Variants in KLHL1 observed in about 807,000 individuals in gnomAD.
KLHL1 encodes the protein kelch-like protein 1.
KLHL1 carries 47 observed loss-of-function variants against 77.7 expected under a neutral mutation model. The observed-to-expected ratio is 0.60, with a 90% confidence interval of 0.48 to 0.77. The LOEUF (loss-of-function observed/expected upper bound fraction) is 0.77, where lower values mean the gene tolerates loss of function less well. Ranked by LOEUF, KLHL1 falls within the 30% of genes least tolerant of loss-of-function variation. The pLI is 0.00. For missense variants in KLHL1, 925 were observed against 910.8 expected, an observed-to-expected ratio of 1.02 and a Z score of -0.20; for synonymous variants, 360 against 325.2, an observed-to-expected ratio of 1.11 and a Z score of -1.15.
At chr13:69,986,143 G>A (rs1884864178) in intron 1 of KLHL1, among the ~76,000 whole-genome samples, 1 of 151,788 alleles carries the variant, frequency 6.6e-6, no homozygotes, top group Non-Finnish European at 1.5e-5. Flanking sequence ...TGTCATGTAA[G>A]TAAAGAGTAG....
chr13:69,707,920 C>CA, intron 9 of KLHL1, 124 bp from the exon 10 acceptor site: 3 of 674,272 alleles, frequency 4.4e-6, no homozygotes, highest in Non-Finnish European at 7.2e-6. Context: ...TCTAAAGGCT[C>CA]AATCATTTGA....
At chr13:70,081,405 A>G (rs1887387401) in intron 1 of KLHL1, among the ~76,000 whole-genome samples, 2 of 152,154 alleles carry the variant, frequency 1.3e-5, no homozygotes, top group African/African-American at 2.4e-5. Flanking sequence ...CTGCTTTTTC[A>G]TCTATAGGCT....
At chr13:70,023,803 T>A (rs1885863275) in intron 1 of KLHL1, among the ~76,000 whole-genome samples, 1 of 151,886 alleles carries the variant, frequency 6.6e-6, no homozygotes, top group Non-Finnish European at 1.5e-5. Context: ...AGTAAATGGT[T>A]CTTCAGATTT....
At chr13:69,827,891 T>A (rs1878612785) in intron 6 of KLHL1, among the ~76,000 whole-genome samples, 1 of 135,902 alleles carries the variant, frequency 7.4e-6, no homozygotes. Context: ...AGTTTCTTAA[T>A]CTCTTCAAAT....
At chr13:69,993,056 A>G (rs1885065222) in intron 1 of KLHL1, among the ~76,000 whole-genome samples, 1 of 152,030 alleles carries the variant, frequency 6.6e-6, no homozygotes, top group South Asian at 2.1e-4. Context: ...GTGTCAACTA[A>G]CACTATTTAT....
At chr13:70,019,252 A>G (rs1032055233) in intron 1 of KLHL1, among the ~76,000 whole-genome samples, 5 of 152,178 alleles carry the variant, frequency 3.3e-5, no homozygotes, top group Non-Finnish European at 5.9e-5. Flanking sequence ...TGGAAACGTA[A>G]TATGTTGAAA....
chr13:69,937,060 T>C (rs1883208881), intron 4 of KLHL1, among the ~76,000 whole-genome samples: 2 of 152,150 alleles, frequency 1.3e-5, no homozygotes, highest in South Asian at 2.1e-4. Context: ...AGAGAAAGGA[T>C]TGCTGGATAA....
At chr13:69,802,868 T>C (rs1877450837) in intron 6 of KLHL1, 1 of 152,178 alleles carries the variant, frequency 6.6e-6, no homozygotes, top group Admixed American at 6.5e-5. Flanking sequence ...GGGTTTTGTC[T>C]GTGGCTTGTC....
intron 10 of KLHL1, among the ~76,000 whole-genome samples, chr13:69,707,167 C>T (rs541378761): frequency 6.6e-6 from 1 of 152,008 alleles, no homozygotes; most frequent in Admixed American, 6.6e-5. Flanking sequence ...CTTGGACTTT[C>T]CAGCAGCACC....
At chr13:70,025,852 A>AT (rs1885927663) in intron 1 of KLHL1, among the ~76,000 whole-genome samples, 1 of 152,062 alleles carries the variant, frequency 6.6e-6, no homozygotes, top group Non-Finnish European at 1.5e-5. Context: ...TATGCCTACC[A>AT]TTGACTGCTC....
chr13:70,097,373 A>G (rs1384827136), intron 1 of KLHL1, among the ~76,000 whole-genome samples: 7 of 152,042 alleles, frequency 4.6e-5, no homozygotes, highest in Non-Finnish European at 1.0e-4. Flanking sequence ...GCAAGGTAGG[A>G]GAAATATGTG....
chr13:69,942,149 T>C (rs1481602520), intron 3 of KLHL1, among the ~76,000 whole-genome samples: 1 of 151,856 alleles, frequency 6.6e-6, no homozygotes, highest in Non-Finnish European at 1.5e-5. Flanking sequence ...GACTAAAGCT[T>C]GAATTGTTTC....
intron 6 of KLHL1, among the ~76,000 whole-genome samples, chr13:69,824,742 G>A (rs1346053335): frequency 6.6e-6 from 1 of 152,058 alleles, no homozygotes; most frequent in Non-Finnish European, 1.5e-5. Flanking sequence ...GTTGTCTTTG[G>A]AGATGTGGAA....
chr13:70,082,157 G>T (rs1157451327), intron 1 of KLHL1, among the ~76,000 whole-genome samples: 1 of 152,010 alleles, frequency 6.6e-6, no homozygotes, highest in Non-Finnish European at 1.5e-5. Context: ...GAGCTCCCTG[G>T]CCATGGCTCC....
At chr13:69,724,927 A>T (rs1462586430) in intron 8 of KLHL1, among the ~76,000 whole-genome samples, 3 of 152,180 alleles carry the variant, frequency 2.0e-5, no homozygotes, top group Non-Finnish European at 1.5e-5. Context: ...GAATTAATAA[A>T]TATCATGTTT....
chr13:70,094,486 T>C (rs1887743117), intron 1 of KLHL1, among the ~76,000 whole-genome samples: 1 of 150,824 alleles, frequency 6.6e-6, no homozygotes, highest in Admixed American at 6.6e-5. Context: ...GCAAAAAGTG[T>C]GTCTCATAAA....
rs751228838 is a variant in KLHL1 at position 69,975,643 on chromosome 13, C to T, written c.657G>A (p.Gly219=). The change falls in exon 2 of 11, where the codon GGG becomes GGA. Residue 219 remains glycine, a synonymous_variant. Transcript: ENST00000377844. The part of the protein sequence containing the change: ...QQLCDVILIV[G]NRKIPAHRLV... The stretch of plus-strand genomic sequence containing the variant: ...ACCTATGTGCAGGTATCTTTCGGTT[C>T]CCAACAATCAGGATAACATCACAAA... 5.6e-6 allele frequency: 9 copies of T among 1,613,060 alleles called. No homozygotes were observed. The highest frequency in any genetic ancestry group is 7.6e-6 in the Non-Finnish European group (9 of 1,179,590).
intron 1 of KLHL1, among the ~76,000 whole-genome samples, chr13:69,993,076 T>C (rs1406007526): frequency 1.3e-5 from 2 of 152,028 alleles, no homozygotes; most frequent in Non-Finnish European, 2.9e-5. Flanking sequence ...TTTGCCTATA[T>C]ATACATATAT....
intron 7 of KLHL1, among the ~76,000 whole-genome samples, chr13:69,742,747 C>G (rs1349026274): frequency 6.6e-6 from 1 of 152,122 alleles, no homozygotes; most frequent in African/African-American, 2.4e-5. Flanking sequence ...TGTTATTTTA[C>G]ACAACTCTAT....
Sources: gnomAD v4.1 joint callset for allele counts (sites outside exome capture counted in the v4.1 genomes callset) on GRCh38, gnomAD v4.1.1 for gene constraint, MANE v1.5 for transcripts, NCBI Gene and HGNC (gene_info 2026-07-23, HGNC 2026-07-21) for gene names.